PCDH15: variants seen among roughly 807,000 people sequenced by gnomAD.
The protein encoded by PCDH15 is protocadherin-15.
In PCDH15, 129 loss-of-function variants were observed where a neutral mutation model predicts 178.5. The ratio of observed to expected loss-of-function variants is 0.72; its 90% CI spans 0.63 to 0.84. The LOEUF (loss-of-function observed/expected upper bound fraction) is 0.84, where lower values mean the gene tolerates loss of function less well. Among genes scored for constraint, PCDH15 ranks in the 40% least tolerant of loss-of-function variants. The pLI is 0.00. For missense variants in PCDH15, 2,230 were observed against 2,099.9 expected (o/e 1.06, Z -1.21); for synonymous variants, 800 against 732.0 (o/e 1.09, Z -1.50).
At chr10:54,646,823 CAA>C (rs1349316290) in intron 2 of PCDH15, among the ~76,000 whole-genome samples, 1 of 151,742 alleles carries the variant, frequency 6.6e-6, no homozygotes, top group Non-Finnish European at 1.5e-5. Flanking sequence ...TTATAAAAAA[CAA>C]AGCAAAAACA....
chr10:54,494,859 G>A (rs2079964962), intron 3 of PCDH15, among the ~76,000 whole-genome samples: 1 of 152,068 alleles, frequency 6.6e-6, no homozygotes, highest in Non-Finnish European at 1.5e-5. Context: ...AGTAAAAGAG[G>A]ATGTCTTGGT....
chr10:55,334,324 T>G (rs1844316734), intron 2 of PCDH15, among the ~76,000 whole-genome samples: 1 of 145,076 alleles, frequency 6.9e-6, no homozygotes, highest in African/African-American at 2.6e-5. Context: ...ATTTTTTTTT[T>G]GAGACAGAGT....
intron 29 of PCDH15, among the ~76,000 whole-genome samples, 178 bp downstream of exon 29, chr10:53,840,142 T>A (rs1468232864): frequency 6.6e-6 from 1 of 150,762 alleles, no homozygotes; most frequent in African/African-American, 2.5e-5. Flanking sequence ...TAGCCCACAC[T>A]TAGACCTGAA....
At chr10:55,404,265 T>C (rs1269604821) in intron 2 of PCDH15, among the ~76,000 whole-genome samples, 1 of 151,870 alleles carries the variant, frequency 6.6e-6, no homozygotes, top group African/African-American at 2.4e-5. Flanking sequence ...CAAACCAGCA[T>C]AGCAACCCAT....
chr10:54,578,407 T>C (rs1435477822), intron 2 of PCDH15, among the ~76,000 whole-genome samples: 2 of 152,116 alleles, frequency 1.3e-5, no homozygotes, highest in African/African-American at 4.8e-5. Flanking sequence ...TATAAATTAA[T>C]TCTTTCAGAA....
At chr10:54,511,960 C>G (rs566336451) in intron 3 of PCDH15, among the ~76,000 whole-genome samples, 143 of 151,994 alleles carry the variant, frequency 9.4e-4, no homozygotes, top group African/African-American at 3.4e-3. Context: ...ATACCATAAC[C>G]CTTGATTTTA....
intron 2 of PCDH15, among the ~76,000 whole-genome samples, chr10:55,532,663 C>G (rs1409210248): frequency 6.6e-6 from 1 of 151,970 alleles, no homozygotes; most frequent in African/African-American, 2.4e-5. Flanking sequence ...AGCCAATGGG[C>G]AGTTCTAGTG....
intron 2 of PCDH15, among the ~76,000 whole-genome samples, chr10:55,389,692 T>TA (rs1837747452): frequency 6.6e-6 from 1 of 152,064 alleles, no homozygotes; most frequent in East Asian, 1.9e-4. Flanking sequence ...AATATCAAGT[T>TA]ACCTACAAAA....
At chr10:53,965,995 TGGATGATTTTTACAGATA>T (rs2088975088) in intron 21 of PCDH15, among the ~76,000 whole-genome samples, 1 of 16,318 alleles carries the variant, frequency 6.1e-5, no homozygotes. Context: ...TAGAACTTCC[TGGATGATTTTTACAGATA>T]AGATTGTATG....
intron 2 of PCDH15, among the ~76,000 whole-genome samples, chr10:55,117,503 A>AGAAAG (rs111857798): frequency 9.1e-4 from 139 of 152,290 alleles, no homozygotes; most frequent in African/African-American, 3.1e-3. Context: ...TAGGCATCAA[A>AGAAAG]GAAAGTCCTT....
intron 2 of PCDH15, among the ~76,000 whole-genome samples, chr10:54,619,764 G>T (rs554259561): frequency 6.6e-6 from 1 of 151,990 alleles, no homozygotes; most frequent in Admixed American, 6.6e-5. Context: ...TCATAGTGTG[G>T]ACCAAATTTA....
Position 54,468,357 on chromosome 10 carries a change from G to A in PCDH15, c.157+59455C>T, listed in dbSNP as rs570282205. On this transcript the variant is annotated intron_variant, in intron 3 of 37. Coordinates refer to ENST00000644397, the MANE Select transcript of PCDH15 (RefSeq NM_001384140.1). ...AATACCATAGTTTTTGGTATGTTAT[G>A]TTTCAATTTTCATTTGTTTCAATAC... Among the ~76,000 whole-genome samples, 21 of 151,432 alleles carry A rather than the reference G, an allele frequency of 1.4e-4. No homozygotes were observed. The South Asian group carries it at 4.0e-3, about 29-fold the overall frequency.
At chr10:54,693,251 G>A (rs549055789) in intron 1 of PCDH15, among the ~76,000 whole-genome samples, 22 of 149,962 alleles carry the variant, frequency 1.5e-4, no homozygotes, top group Non-Finnish European at 7.4e-5. Context: ...GACAACTGAC[G>A]CTCTCTTTCT....
chr10:55,379,711 C>T (rs1165946390), intron 2 of PCDH15, among the ~76,000 whole-genome samples: 1 of 151,982 alleles, frequency 6.6e-6, no homozygotes, highest in Non-Finnish European at 1.5e-5. Flanking sequence ...CATAGTATTT[C>T]ATTTAAAAGC....
intron 13 of PCDH15, among the ~76,000 whole-genome samples, chr10:54,165,816 G>A (rs997370998): frequency 1.3e-5 from 2 of 152,038 alleles, no homozygotes; most frequent in Non-Finnish European, 2.9e-5. Flanking sequence ...CATTTATTCA[G>A]ACCTTAATTT....
intron 15 of PCDH15, among the ~76,000 whole-genome samples, chr10:54,096,260 C>T (rs1328574464): frequency 2.0e-5 from 3 of 151,800 alleles, no homozygotes; most frequent in Middle Eastern, 3.2e-3. Flanking sequence ...CCTAATTTCC[C>T]AGTATCCCTT....
At chr10:55,016,584 G>T (rs1270964839) in intron 2 of PCDH15, among the ~76,000 whole-genome samples, 2 of 152,052 alleles carry the variant, frequency 1.3e-5, no homozygotes, top group African/African-American at 2.4e-5. Flanking sequence ...ACAAGATCTC[G>T]TTCTTTCTTG....
At chr10:54,724,451 T>C (rs187190045) in intron 1 of PCDH15, among the ~76,000 whole-genome samples, 243 of 151,648 alleles carry the variant, frequency 1.6e-3, no homozygotes, top group African/African-American at 5.3e-3. Flanking sequence ...GGCTAATGGA[T>C]AGAGTAGAAG....
At chr10:53,963,383 C>T (rs2088578791) in intron 21 of PCDH15, among the ~76,000 whole-genome samples, 1 of 152,026 alleles carries the variant, frequency 6.6e-6, no homozygotes, top group South Asian at 2.1e-4. Context: ...GGTGCTCTGT[C>T]TCAGACTCTG....
Sources: gnomAD v4.1 joint callset for allele counts (sites outside exome capture counted in the v4.1 genomes callset) on GRCh38, gnomAD v4.1.1 for gene constraint, MANE v1.5 for transcripts, NCBI Gene and HGNC (gene_info 2026-07-23, HGNC 2026-07-21) for gene names.